Variants in LRRFIP1 observed in about 807,000 individuals in gnomAD.
The protein encoded by LRRFIP1 is leucine-rich repeat flightless-interacting protein 1.
In LRRFIP1, 62 loss-of-function variants were observed where a neutral mutation model predicts 104.4. The observed-to-expected ratio is 0.59, with a 90% confidence interval of 0.48 to 0.73. The LOEUF (loss-of-function observed/expected upper bound fraction) is 0.73. Ranked by LOEUF, LRRFIP1 falls within the 30% of genes least tolerant of loss-of-function variation. LRRFIP1 has a pLI of 0.00. For synonymous variants in LRRFIP1, 300 were observed against 299.0 expected (o/e 1.00, Z -0.03); for missense variants, 796 against 824.5 (o/e 0.97, Z 0.42).
intron 23 of LRRFIP1, 104 bp downstream of exon 23, chr2:237,774,566 G>T (rs899807668): frequency 8.0e-6 from 6 of 754,380 alleles, no homozygotes; most frequent in African/African-American, 3.5e-5. Context: ...CCCTGGGCTG[G>T]TCATTGTCAG....
intron 1 of LRRFIP1, among the ~76,000 whole-genome samples, chr2:237,646,005 G>A (rs905327086): frequency 3.9e-5 from 6 of 151,916 alleles, no homozygotes; most frequent in Non-Finnish European, 8.8e-5. Context: ...TCGCCGTGGG[G>A]ACTCTGGATA....
chr2:237,774,092 C>CA (rs1190809780), intron 22 of LRRFIP1: 9 of 410,266 alleles, frequency 2.2e-5, no homozygotes, highest in Non-Finnish European at 3.5e-5. Context: ...AAGCAGGCAG[C>CA]AAGGTGCCAG....
intron 1 of LRRFIP1, among the ~76,000 whole-genome samples, chr2:237,666,188 G>A (rs961504885): frequency 6.6e-6 from 1 of 152,254 alleles, no homozygotes; most frequent in Non-Finnish European, 1.5e-5. Flanking sequence ...TCGGCACAGT[G>A]CCTGGCACAT....
rs904416771 is a variant in LRRFIP1 at position 237,717,445 on chromosome 2, G to C, written c.202-317G>C. Among the ~76,000 whole-genome samples, 3 of 152,230 alleles carry C rather than the reference G, an allele frequency of 2.0e-5. No homozygotes were observed. Among genetic ancestry groups the C allele is most frequent in the Non-Finnish European group, 4.4e-5 (3 of 68,048 alleles). On this transcript the variant is annotated intron_variant, in intron 3 of 23. Coordinates refer to ENST00000308482, the MANE Select transcript of LRRFIP1 (RefSeq NM_001137550.2). The surrounding 1 kb of genome is among the most constrained non-coding windows in gnomAD (Gnocchi z 4.2). ...AGCAGCCTGTTGGAGGGGGCGTGAAGGCTGCTGGGCCGGCTTTACTGTCCT... is the reference window on the plus strand; with the variant it reads ...AGCAGCCTGTTGGAGGGGGCGTGAACGCTGCTGGGCCGGCTTTACTGTCCT...
At chr2:237,728,264 T>G (rs1307844980) in intron 8 of LRRFIP1, among the ~76,000 whole-genome samples, 4 of 152,232 alleles carry the variant, frequency 2.6e-5, no homozygotes, top group African/African-American at 9.6e-5. Context: ...ATGTGTGTAT[T>G]AAGTATATTC....
rs2095227570 is a variant in LRRFIP1, at chr2:237,735,857, A to C, written c.555+524A>C. ...ACATTTGTGAATGAATGCGTGAGAA[A>C]AGCAACAAGGTAGAAAAATGAGATG... On this transcript the variant is annotated intron_variant, in intron 10 of 23. Transcript: ENST00000308482. The surrounding 1 kb of genome is among the most constrained non-coding windows in gnomAD (Gnocchi z 4.6). 6.6e-6 allele frequency among the ~76,000 whole-genome samples: 1 copy of C among 152,228 alleles called. No homozygotes were observed. The highest frequency in any genetic ancestry group is 1.5e-5 in the Non-Finnish European group (1 of 68,036).
chr2:237,767,988 T>TA (rs1444843676), intron 19 of LRRFIP1, among the ~76,000 whole-genome samples: 1 of 152,248 alleles, frequency 6.6e-6, no homozygotes, highest in Non-Finnish European at 1.5e-5. Flanking sequence ...TGTCCCTATC[T>TA]ACTGCCTCTC....
intron 10 of LRRFIP1, among the ~76,000 whole-genome samples, chr2:237,737,950 A>C (rs1002176564): frequency 6.6e-6 from 1 of 152,192 alleles, no homozygotes; most frequent in African/African-American, 2.4e-5. Flanking sequence ...CTGTACATTT[A>C]ATGCTTTCAA....
chr2:237,704,850 C>G (rs2149966214), intron 1 of LRRFIP1, among the ~76,000 whole-genome samples: 1 of 152,206 alleles, frequency 6.6e-6, no homozygotes, highest in South Asian at 2.1e-4. Flanking sequence ...GAATTGATGC[C>G]CTAACATGAT....
chr2:237,708,781 G>C, intron 2 of LRRFIP1, 151 bp downstream of exon 2: 1 of 867,456 alleles, frequency 1.2e-6, no homozygotes, highest in Non-Finnish European at 1.9e-6. Context: ...TTCTGCCCAA[G>C]GTCAGGCCAG....
intron 1 of LRRFIP1, among the ~76,000 whole-genome samples, chr2:237,698,778 C>G (rs902983293): frequency 6.6e-6 from 1 of 152,092 alleles, no homozygotes; most frequent in Non-Finnish European, 1.5e-5. Flanking sequence ...TGAATTGTGC[C>G]GGGGCTGGTT....
intron 19 of LRRFIP1, 68 bp from the exon 20 acceptor site, chr2:237,769,875 G>A: frequency 8.9e-7 from 1 of 1,118,622 alleles, no homozygotes; most frequent in Non-Finnish European, 1.3e-6. Flanking sequence ...TCATTCTTCA[G>A]TTTAGCAATG....
At position 237,735,250 on chromosome 2, in the gene LRRFIP1, A is replaced by G. The variant is rs781394199; in HGVS notation, c.490-18A>G. The G allele has an allele frequency of 2.5e-6, 4 of 1,610,858 alleles. No homozygotes were observed. Among genetic ancestry groups the G allele is most frequent in the Non-Finnish European group, 3.4e-6 (4 of 1,178,178 alleles). On this transcript the variant is annotated intron_variant, in intron 9 of 23. Coordinates refer to ENST00000308482, the MANE Select transcript of LRRFIP1 (RefSeq NM_001137550.2). The surrounding 1 kb of genome is among the most constrained non-coding windows in gnomAD (Gnocchi z 4.6). ...AGAAAGGAAGAGCGCCCATCCTGAC[A>G]GTCTCTTTTGGTCGCAGGCGTCTGT...
chr2:237,704,456 C>T (rs2093705228), intron 1 of LRRFIP1, among the ~76,000 whole-genome samples: 1 of 152,104 alleles, frequency 6.6e-6, no homozygotes, highest in African/African-American at 2.4e-5. Context: ...GCCTGGCCAA[C>T]TCTACGGATT....
At chr2:237,710,261 A>G (rs924384409) in intron 2 of LRRFIP1, among the ~76,000 whole-genome samples, 2 of 151,956 alleles carry the variant, frequency 1.3e-5, no homozygotes, top group African/African-American at 2.4e-5. Context: ...ACACATTTAG[A>G]TAAAAACGTA....
At chr2:237,708,298 G>A (rs1477033713) in intron 1 of LRRFIP1, among the ~76,000 whole-genome samples, 1 of 152,204 alleles carries the variant, frequency 6.6e-6, no homozygotes, top group Non-Finnish European at 1.5e-5. Flanking sequence ...GGAATACATG[G>A]CATCATATCC....
rs1200375916 is a variant in LRRFIP1 at position 237,711,410 on chromosome 2, C to T, written c.183+2780C>T. On this transcript the variant is annotated intron_variant, in intron 2 of 23. Coordinates refer to ENST00000308482, the MANE Select transcript of LRRFIP1 (RefSeq NM_001137550.2). The surrounding 1 kb of genome is among the most constrained non-coding windows in gnomAD (Gnocchi z 4.4). Reference sequence around the variant, plus strand: ...CCTGTTGCAAATTCGGCGGAACATCCGCCACTGAGAGCGGTGGTTTTGGTC... The same window carrying T: ...CCTGTTGCAAATTCGGCGGAACATCTGCCACTGAGAGCGGTGGTTTTGGTC... 1.3e-5 allele frequency among the ~76,000 whole-genome samples: 2 copies of T among 152,224 alleles called. No individual in the cohort carries two copies. Among genetic ancestry groups the T allele is most frequent in the Non-Finnish European group, 1.5e-5 (1 of 68,044 alleles).
chr2:237,639,137 A>G (rs2083533438), intron 1 of LRRFIP1, among the ~76,000 whole-genome samples: 2 of 152,184 alleles, frequency 1.3e-5, no homozygotes, highest in South Asian at 4.1e-4. Flanking sequence ...TGCTACCTTC[A>G]GGTGGCTGTG....
rs1187819765 is a variant in LRRFIP1, at chr2:237,735,416, G to A, written c.555+83G>A. 7.6e-7 allele frequency: 1 copy of A among 1,312,710 alleles called. No individual in the cohort carries two copies. The highest frequency in any genetic ancestry group is 1.5e-5 in the African/African-American group (1 of 67,544). 81.3% of individuals were successfully genotyped at this position (1,312,710 alleles called of 1,614,324 possible). A position where few individuals can be genotyped will look rare whatever the true frequency, so the allele number is the denominator to read the frequency against. On this transcript the variant is annotated intron_variant, in intron 10 of 23. Coordinates refer to ENST00000308482, the MANE Select transcript of LRRFIP1 (RefSeq NM_001137550.2). The surrounding 1 kb of genome is among the most constrained non-coding windows in gnomAD (Gnocchi z 4.6). ...GCTCGCTGGGCAGGGTCCAGCCGTG[G>A]GGGGTGACTGGCCATTCTCAGGAGG...
Sources: gnomAD v4.1 joint callset for allele counts (sites outside exome capture counted in the v4.1 genomes callset) on GRCh38, gnomAD v4.1.1 for gene constraint, Gnocchi (gnomAD v3.1) non-coding constraint, MANE v1.5 for transcripts, NCBI Gene and HGNC (gene_info 2026-07-23, HGNC 2026-07-21) for gene names.